Variants in PTK2B observed in about 807,000 individuals in gnomAD.
PTK2B encodes the protein protein tyrosine kinase 2 beta, also known as protein-tyrosine kinase 2-beta.
A neutral mutation model predicts 142.9 loss-of-function variants in PTK2B; 71 were observed. The observed-to-expected ratio is 0.50, with a 90% CI of 0.41 to 0.61. PTK2B has a LOEUF of 0.61. PTK2B is among the 20% of genes least tolerant of loss of function. PTK2B has a pLI of 0.00. For synonymous variants in PTK2B, 519 were observed against 503.4 expected, an observed-to-expected ratio of 1.03 and a Z score of -0.42; for missense variants, 1,105 against 1,320.4, an observed-to-expected ratio of 0.84 and a Z score of 2.53.
At chr8:27,394,054 T>C (rs982581676) in intron 1 of PTK2B, among the ~76,000 whole-genome samples, 1 of 152,214 alleles carries the variant, frequency 6.6e-6, no homozygotes, top group Non-Finnish European at 1.5e-5. Flanking sequence ...TACAGTCTAC[T>C]ACACACCTGG....
At chr8:27,405,937 T>A (rs963000697) in intron 2 of PTK2B, among the ~76,000 whole-genome samples, 1 of 152,216 alleles carries the variant, frequency 6.6e-6, no homozygotes, top group African/African-American at 2.4e-5. Context: ...AGTGTATCAG[T>A]TTTCTATGGC....
At chr8:27,449,307 A>G (rs550069206) in intron 24 of PTK2B, among the ~76,000 whole-genome samples, 4 of 152,380 alleles carry the variant, frequency 2.6e-5, no homozygotes, top group Admixed American at 2.0e-4. Flanking sequence ...TATTTCAGCA[A>G]GAAACCTAAC....
At chr8:27,355,565 T>C (rs947123635) in intron 1 of PTK2B, among the ~76,000 whole-genome samples, 2 of 152,220 alleles carry the variant, frequency 1.3e-5, no homozygotes, top group Non-Finnish European at 2.9e-5. Flanking sequence ...AAATTGGTGG[T>C]AATTTGTTAC....
chr8:27,438,983 C>T (rs1377491138), intron 18 of PTK2B, 48 bp from the exon 19 acceptor site: 2 of 1,500,324 alleles, frequency 1.3e-6, no homozygotes, highest in African/African-American at 1.4e-5. Flanking sequence ...TTCCTGCTCC[C>T]ATGGGGGTGG....
chr8:27,311,059 C>A, upstream of PTK2B: 1 of 1,598,066 alleles, frequency 6.3e-7, no homozygotes, highest in East Asian at 2.3e-5. Flanking sequence ...GGTCTTTGCA[C>A]ACTGGGCAGG....
At chr8:27,456,464 T>C (rs999223096) in intron 30 of PTK2B, among the ~76,000 whole-genome samples, 7 of 152,236 alleles carry the variant, frequency 4.6e-5, no homozygotes, top group African/African-American at 1.7e-4. Context: ...ATAAGACTTA[T>C]CAATAAATGT....
intron 1 of PTK2B, among the ~76,000 whole-genome samples, chr8:27,375,036 T>C (rs920110736): frequency 1.2e-4 from 19 of 152,336 alleles, no homozygotes; most frequent in East Asian, 7.7e-4. Context: ...ACTTGATTAG[T>C]CTCATGATGG....
chr8:27,451,368 C>T, intron 26 of PTK2B, 117 bp from the exon 27 acceptor site: 2 of 1,513,386 alleles, frequency 1.3e-6, no homozygotes, highest in Non-Finnish European at 1.8e-6. Context: ...CACCCCCGAC[C>T]CCATGGCTGT....
At chr8:27,437,061 A>G in intron 15 of PTK2B, 61 bp from the exon 16 acceptor site, 1 of 1,521,952 alleles carries the variant, frequency 6.6e-7, no homozygotes, top group Non-Finnish European at 9.1e-7. Flanking sequence ...GGAGGCCAGG[A>G]GGGAACATTC....
rs1805846649 is a variant in PTK2B, at chr8:27,363,608, A to G, written c.-37-33940A>G. 6.6e-6 allele frequency among the ~76,000 whole-genome samples: 1 copy of G among 151,946 alleles called. No homozygotes were observed. Among genetic ancestry groups the G allele is most frequent in the Non-Finnish European group, 1.5e-5 (1 of 67,996 alleles). Reference sequence around the variant, plus strand: ...TGCTGCTCTGAGCCTCTTGATTCTGATTTGGGTCTACCCCTGCCCTTCTTG... The same window carrying G: ...TGCTGCTCTGAGCCTCTTGATTCTGGTTTGGGTCTACCCCTGCCCTTCTTG... On this transcript the variant is annotated intron_variant, in intron 1 of 30. Coordinates refer to ENST00000346049, the MANE Select transcript of PTK2B (RefSeq NM_173176.3). This position sits in a 1 kb window ranked among gnomAD's most constrained non-coding sequence, Gnocchi z 4.3.
intron 4 of PTK2B, among the ~76,000 whole-genome samples, chr8:27,421,511 AT>A: frequency 6.6e-6 from 1 of 152,262 alleles, no homozygotes; most frequent in African/African-American, 2.4e-5. Context: ...ATGCCTTTGC[AT>A]CATCATGGTT....
chr8:27,440,994 C>T lies in PTK2B; in HGVS notation c.2039+553C>T, dbSNP rs970656392. Among the ~76,000 whole-genome samples, 5 of 152,092 alleles carry T rather than the reference C, an allele frequency of 3.3e-5. No individual in the cohort carries two copies. In the Middle Eastern group the frequency reaches 0.014, roughly 414 times the overall value. On this transcript the variant is annotated intron_variant, in intron 21 of 30. Coordinates refer to ENST00000346049, the MANE Select transcript of PTK2B (RefSeq NM_173176.3). ...CATCTGTTTCAGAGGTTCAGGGTCC[C>T]CCAGTTTTCTTGGTGGCAAGCCTGC... is the stretch of plus-strand genomic sequence containing the variant.
At chr8:27,409,958 G>A (rs1301758056) in intron 2 of PTK2B, among the ~76,000 whole-genome samples, 2 of 152,134 alleles carry the variant, frequency 1.3e-5, no homozygotes, top group African/African-American at 2.4e-5. Flanking sequence ...CTGACCTCAG[G>A]TGATCCTCCT....
intron 1 of PTK2B, among the ~76,000 whole-genome samples, chr8:27,328,628 C>A (rs1312051223): frequency 6.6e-6 from 1 of 152,150 alleles, no homozygotes; most frequent in Non-Finnish European, 1.5e-5. Flanking sequence ...AGAGGTGTTC[C>A]ACTGATGAAA....
intron 10 of PTK2B, 85 bp from the exon 11 acceptor site, chr8:27,433,350 G>T: frequency 8.6e-7 from 1 of 1,164,092 alleles, no homozygotes; most frequent in Non-Finnish European, 1.3e-6. Flanking sequence ...TTGTGGCAGG[G>T]GTCCTGCCAT....
chr8:27,453,272 T>A, intron 28 of PTK2B, 112 bp downstream of exon 28: 2 of 1,420,080 alleles, frequency 1.4e-6, no homozygotes, highest in Non-Finnish European at 2.0e-6. Flanking sequence ...TTCAGTGTCC[T>A]CATGATACAG....
At chr8:27,350,017 C>T (rs1804948887) in intron 1 of PTK2B, among the ~76,000 whole-genome samples, 1 of 152,222 alleles carries the variant, frequency 6.6e-6, no homozygotes. Context: ...TAACATTCTG[C>T]AGGCTTCTCA....
chr8:27,385,466 T>C (rs576057408), intron 1 of PTK2B, among the ~76,000 whole-genome samples: 44 of 152,354 alleles, frequency 2.9e-4, no homozygotes, highest in South Asian at 1.7e-3. Flanking sequence ...GTCTATCCTA[T>C]TTAACCCAAG....
chr8:27,398,787 T>C (rs1359323414), intron 2 of PTK2B, among the ~76,000 whole-genome samples: 1 of 152,198 alleles, frequency 6.6e-6, no homozygotes, highest in Non-Finnish European at 1.5e-5. Context: ...ACTCCATGAA[T>C]GTTTCCTTTC....
Sources: gnomAD v4.1 joint callset for allele counts (sites outside exome capture counted in the v4.1 genomes callset) on GRCh38, gnomAD v4.1.1 for gene constraint, Gnocchi (gnomAD v3.1) non-coding constraint, MANE v1.5 for transcripts, NCBI Gene and HGNC (gene_info 2026-07-23, HGNC 2026-07-21) for gene names.